Variants in HR observed in about 807,000 individuals in gnomAD.
HR encodes the protein HR lysine demethylase and nuclear receptor corepressor, also known as lysine-specific demethylase hairless.
A neutral mutation model predicts 128.6 loss-of-function variants in HR; 83 were observed. The observed-to-expected ratio is 0.65, with a 90% confidence interval of 0.54 to 0.77. The LOEUF is 0.77. Among genes scored for constraint, HR ranks in the 30% least tolerant of loss-of-function variants. The pLI, the probability that HR is intolerant of heterozygous loss-of-function variation, is 0.00. For synonymous variants in HR, 681 were observed against 658.2 expected, an observed-to-expected ratio of 1.03 and a Z score of -0.53; for missense variants, 1,490 against 1,574.6, an observed-to-expected ratio of 0.95 and a Z score of 0.91.
Position 22,127,623 on chromosome 8 carries a change from A to T in HR, c.819T>A (p.Thr273=). ...PCPLFLGQPD[T]VPWTSWPACP... ...AAGCGGGCCAGGAGGTCCAGGGCAC[A>T]GTGTCTGGCTGCCCCAGGAAGAGCG... The change falls in exon 3 of 19, where the codon ACT becomes ACA. Residue 273 remains threonine (T), a synonymous_variant. Coordinates refer to ENST00000381418, the MANE Select transcript of HR (RefSeq NM_005144.5). 1 of 1,610,554 alleles carries T rather than the reference A, an allele frequency of 6.2e-7. No individual in the cohort carries two copies. Among genetic ancestry groups the T allele is most frequent in the Non-Finnish European group, 8.5e-7 (1 of 1,179,184 alleles).
At position 22,121,713 on chromosome 8, in the gene HR, ACC is replaced by A; in HGVS notation, c.2122-21_2122-20del. ...ATTCCTTCTGTTAAACCCATCCACC[ACC>A]CCCCCAATCCAACCAGAGATTTTAA... On this transcript the variant is annotated intron_variant, in intron 8 of 18. Transcript: ENST00000381418. 1 of 1,609,664 alleles carries A rather than the reference ACC, an allele frequency of 6.2e-7. No homozygotes were observed. Among genetic ancestry groups the A allele is most frequent in the Non-Finnish European group, 8.5e-7 (1 of 1,176,982 alleles).
chr8:22,123,617 T>TGTCCC, intron 6 of HR, 32 bp downstream of exon 6: 3 of 292,092 alleles, frequency 1.0e-5, no homozygotes, highest in Non-Finnish European at 1.2e-5. Flanking sequence ...GAGGGCTCCA[T>TGTCCC]CCCGCCCTCC....
At chr8:22,121,025 G>A (rs755716128) in intron 10 of HR, 40 bp downstream of exon 10, 1 of 1,612,948 alleles carries the variant, frequency 6.2e-7, no homozygotes, top group African/African-American at 1.3e-5. Context: ...CCAGCCTCTG[G>A]TCCCCTGGCT....
chr8:22,125,443 C>T lies in HR; in HGVS notation c.1618G>A (p.Glu540Lys), dbSNP rs772984704. The change falls in exon 5 of 19, where the codon GAA becomes AAA. Residue 540 changes from glutamate (E) to lysine (K), a missense_variant. Coordinates refer to ENST00000381418, the MANE Select transcript of HR (RefSeq NM_005144.5). ...EDTATNSSSE[E>K]GPGSGPDSRL... ...CTGTCAGGGCCGGACCCTGGGCCTT[C>T]CTCAGAGCTGGAGTTGGTGGCTGTG... 5.6e-5 allele frequency: 91 copies of T among 1,613,336 alleles called. 1 individual carries two copies. In the Admixed American group the frequency reaches 1.4e-3, roughly 25 times the overall value.
rs763478016 is a variant in HR at position 22,115,280 on chromosome 8, G to A, written c.*420C>T. ...CCTGCAGTGAGCCCAGTGAGGATGC[G>A]GTGGTAGAAACGGAGCTGGGGCAGT... On this transcript the variant is annotated 3_prime_UTR_variant, in exon 19 of 19. Transcript: ENST00000381418. 76 of 299,226 alleles carry A rather than the reference G, an allele frequency of 2.5e-4. No homozygotes were observed. Among genetic ancestry groups the A allele is most frequent in the South Asian group, 7.4e-4 (20 of 27,146 alleles). 18.5% of individuals were successfully genotyped at this position (299,226 alleles called of 1,614,324 possible).
intron 1 of HR, among the ~76,000 whole-genome samples, chr8:22,129,518 A>G (rs1015884460): frequency 6.6e-6 from 1 of 152,242 alleles, no homozygotes; most frequent in African/African-American, 2.4e-5. Flanking sequence ...CCCATGAGGG[A>G]GGACAGAAAG....
At position 22,119,185 on chromosome 8, in the gene HR, C is replaced by T. The variant is rs147012350; in HGVS notation, c.3076G>A (p.Ala1026Thr). The T allele has an allele frequency of 6.4e-5, 103 of 1,613,760 alleles. No individual in the cohort carries two copies. The highest frequency in any genetic ancestry group is 9.3e-5 in the African/African-American group (7 of 74,944). Residue 1026 changes from alanine to threonine, a missense_variant, in exon 15 of 19, where the codon GCC becomes ACC. By Grantham distance (58) the Ala-to-Thr change is moderately conservative (BLOSUM62 0). Transcript: ENST00000381418. ...ILVHADTPLP[A>T]WHRAQKDFLS... ...CTACCTTTCTGTGCCCGGTGCCAGG[C>T]AGGCAGTGGTGTGTCGGCATGCACC...
rs1431802925 is a variant in HR at position 22,122,532 on chromosome 8, A to C, written c.2082T>G (p.Ala694=). 6.2e-7 allele frequency: 1 copy of C among 1,611,216 alleles called. No individual in the cohort carries two copies. The highest frequency in any genetic ancestry group is 2.2e-5 in the East Asian group (1 of 44,764). Residue 694 remains alanine (A), a synonymous_variant, in exon 8 of 19, where the codon GCT becomes GCG. Coordinates refer to ENST00000381418, the MANE Select transcript of HR (RefSeq NM_005144.5). ...FDIRGHCPCQ[A]DARVWAPGDA... ...CCCCGGGGGCCCATACCCGGGCATCAGCTTGGCAGGGGCAGTGCCCCCGGA... is the reference window on the plus strand; with the variant it reads ...CCCCGGGGGCCCATACCCGGGCATCCGCTTGGCAGGGGCAGTGCCCCCGGA...
At chr8:22,126,135 G>T (rs891365883) in intron 3 of HR, among the ~76,000 whole-genome samples, 5 of 152,196 alleles carry the variant, frequency 3.3e-5, no homozygotes, top group African/African-American at 1.2e-4. Flanking sequence ...GGCGCCGGAA[G>T]GTGAGAAGGG....
At chr8:22,122,720 C>T (rs1269805371) in intron 7 of HR, 70 bp downstream of exon 7, 4 of 1,494,676 alleles carry the variant, frequency 2.7e-6, no homozygotes, top group East Asian at 2.5e-5. Context: ...GGGGGAGGGA[C>T]AATCAGACGG....
chr8:22,123,616 A>AGGCC, intron 6 of HR, 33 bp downstream of exon 6: 1 of 562,348 alleles, frequency 1.8e-6, no homozygotes, highest in Non-Finnish European at 3.0e-6. Context: ...TGAGGGCTCC[A>AGGCC]TCCCGCCCTC....
intron 16 of HR, 103 bp from the exon 17 acceptor site, chr8:22,117,142 C>T (rs140607457): frequency 5.1e-4 from 618 of 1,222,956 alleles, no homozygotes; most frequent in Admixed American, 6.4e-4. Context: ...AGAAAAGAGC[C>T]GAAGGGTCAA....
In HR at chr8:22,114,704, A is replaced by C. The variant is rs1293626861; in HGVS notation, c.*996T>G. On this transcript the variant is annotated 3_prime_UTR_variant, in exon 19 of 19. Coordinates refer to ENST00000381418, the MANE Select transcript of HR (RefSeq NM_005144.5). ...GGCGGGGCAAGGGCTCTTCTGGGCC[A>C]TACTTCTGGATCTCCAGGTCAGGGT... The C allele has an allele frequency of 6.6e-6, 1 of 152,460 alleles. No individual in the cohort carries two copies. The highest frequency in any genetic ancestry group is 2.4e-5 in the African/African-American group (1 of 41,456). The allele number at this position is 152,460 out of a possible 1,614,324, so 9.4% of individuals were successfully genotyped here.
Position 22,115,332 on chromosome 8 carries a change from C to A in HR, c.*368G>T. On this transcript the variant is annotated 3_prime_UTR_variant, in exon 19 of 19. Coordinates refer to ENST00000381418, the MANE Select transcript of HR (RefSeq NM_005144.5). ...GAGTGGGCTCAGCGGGAGTGAGCAG[C>A]AGGAGGAGGTGTTGTTTAAGCCAGA... is the stretch of plus-strand genomic sequence containing the variant. 2.5e-6 allele frequency: 1 copy of A among 392,284 alleles called. No homozygotes were observed. The highest frequency in any genetic ancestry group is 5.5e-5 in the East Asian group (1 of 18,330). 24.3% of individuals were successfully genotyped at this position (392,284 alleles called of 1,614,324 possible).
Position 22,118,996 on chromosome 8 carries a change from A to T in HR, c.3167T>A (p.Val1056Glu). Residue 1056 changes from valine (V) to glutamate (E), a missense_variant, in exon 16 of 19, where the codon GTG becomes GAG. This residue lies in a region of HR where 423 missense variants were observed against 495.9 expected (regional missense o/e 0.85). Coordinates refer to ENST00000381418, the MANE Select transcript of HR (RefSeq NM_005144.5). ...PGSQVSTVWH[V>E]FRAQDAQRIR... ...GCGCTGGGCGTCCTGTGCCCGGAAC[A>T]CGTGCCACACAGTGCTGACCTGGCT... 2 of 1,612,862 alleles carry T rather than the reference A, an allele frequency of 1.2e-6. No homozygotes were observed. Among genetic ancestry groups the T allele is most frequent in the Non-Finnish European group, 1.7e-6 (2 of 1,180,006 alleles).
At position 22,128,924 on chromosome 8, in the gene HR, T is replaced by A. The variant is rs1479039635; in HGVS notation, c.247A>T (p.Asn83Tyr). The A allele has an allele frequency of 6.2e-7, 1 of 1,613,420 alleles. No homozygotes were observed. Among genetic ancestry groups the A allele is most frequent in the Non-Finnish European group, 8.5e-7 (1 of 1,179,994 alleles). The change falls in exon 2 of 19, where the codon AAT becomes TAT. Residue 83 changes from asparagine to tyrosine, a missense_variant. Around this residue, in one of 3 missense-constraint regions of HR, gnomAD observed 1,060 missense variants for 1,060.9 expected, o/e 1.00. Coordinates refer to ENST00000381418, the MANE Select transcript of HR (RefSeq NM_005144.5). Reference protein sequence around the residue: ...LPLVEGEGPQNGERKVNWLGS... With the variant: ...LPLVEGEGPQYGERKVNWLGS... ...AGCCAGTTGACCTTCCTCTCCCCAT[T>A]CTGGGGGCCCTCGCCCTCCACAAGT...
intron 13 of HR, 85 bp from the exon 14 acceptor site, chr8:22,119,975 C>T (rs1295591189): frequency 6.2e-7 from 1 of 1,605,504 alleles, no homozygotes; most frequent in Non-Finnish European, 8.5e-7. Flanking sequence ...GGGGTAACTC[C>T]CAGAGGGCAA....
At chr8:22,127,882 A>G in intron 2 of HR, 53 bp from the exon 3 acceptor site, 1 of 1,528,560 alleles carries the variant, frequency 6.5e-7, no homozygotes, top group South Asian at 1.1e-5. Flanking sequence ...CCCCATGCCT[A>G]AATGGATGGG....
At position 22,127,824 on chromosome 8, in the gene HR, AAAGCC is replaced by A. The variant is rs779869202; in HGVS notation, c.613_617del (p.Gly205LeufsTer112). On this transcript the variant is annotated frameshift_variant and splice_region_variant, in exon 3 of 19. Coordinates refer to ENST00000381418, the MANE Select transcript of HR (RefSeq NM_005144.5). LOFTEE classifies it high-confidence loss of function. ...TGGGAATGCTCGGATCCTTGTAGTAAAAGCCCTAAAGAGGGGAGAAAGTGTTACGC... is the reference window on the plus strand; with the variant it reads ...TGGGAATGCTCGGATCCTTGTAGTAACTAAAGAGGGGAGAAAGTGTTACGC... 6.3e-7 allele frequency: 1 copy of A among 1,598,582 alleles called. No individual in the cohort carries two copies. The highest frequency in any genetic ancestry group is 8.5e-7 in the Non-Finnish European group (1 of 1,179,950).
Sources: allele counts gnomAD v4.1 joint callset (sites outside exome capture counted in the v4.1 genomes callset), GRCh38; gene constraint gnomAD v4.1.1; regional missense constraint gnomAD v4.1.1; transcripts MANE v1.5; gene names NCBI Gene and HGNC (gene_info 2026-07-23, HGNC 2026-07-21).